FBXL7: variants seen among roughly 807,000 people sequenced by gnomAD.
FBXL7 encodes F-box and leucine rich repeat protein 7.
A neutral mutation model predicts 38.3 loss-of-function variants in FBXL7; 12 were observed. That is an observed-to-expected ratio of 0.31 (90% CI 0.20 to 0.51). FBXL7 has a LOEUF of 0.51. Ranked by LOEUF, FBXL7 falls within the 20% of genes least tolerant of loss-of-function variation. The probability of loss-of-function intolerance (pLI) is 0.98; values close to 1 mark genes in which losing one functional copy is unlikely to be tolerated. For synonymous variants in FBXL7, 297 were observed against 300.9 expected (o/e 0.99, Z 0.13); for missense variants, 567 against 676.4 (o/e 0.84, Z 1.79).
rs146294654 is a variant in FBXL7, at chr5:15,642,816, T to G, written c.127+26744T>G. Among the ~76,000 whole-genome samples the G allele has an allele frequency of 2.9e-3, 444 of 152,266 alleles. 1 individual carries two copies. Among genetic ancestry groups the G allele is most frequent in the Non-Finnish European group, 4.0e-3 (274 of 68,018 alleles). On this transcript the variant is annotated intron_variant, in intron 2 of 3. Coordinates refer to ENST00000504595, the MANE Select transcript of FBXL7 (RefSeq NM_012304.5). ...TCTCACATTCCTAGTCTCCTAAAAT[T>G]CTTACATCCCACAACAACAATTTGC... is the stretch of plus-strand genomic sequence containing the variant.
chr5:15,735,214 T>C (rs1228029901), intron 2 of FBXL7, among the ~76,000 whole-genome samples: 1 of 152,250 alleles, frequency 6.6e-6, no homozygotes, highest in African/African-American at 2.4e-5. Flanking sequence ...AGTATAGGCA[T>C]GAGCCGCTGT....
At chr5:15,807,126 A>G (rs1737735738) in intron 2 of FBXL7, among the ~76,000 whole-genome samples, 9 of 151,690 alleles carry the variant, frequency 5.9e-5, no homozygotes, top group Admixed American at 5.9e-4. Context: ...TAATATCTGT[A>G]TTTTCATATT....
chr5:15,768,396 T>C (rs1382233304), intron 2 of FBXL7, among the ~76,000 whole-genome samples: 3 of 151,854 alleles, frequency 2.0e-5, no homozygotes, highest in Admixed American at 6.6e-5. Flanking sequence ...CCTGGCGTGG[T>C]GGCAGGCACT....
At chr5:15,845,950 C>G (rs1738889106) in intron 2 of FBXL7, among the ~76,000 whole-genome samples, 1 of 152,276 alleles carries the variant, frequency 6.6e-6, no homozygotes, top group South Asian at 2.1e-4. Context: ...CCAGCCTGGG[C>G]AACAGAGCGA....
chr5:15,719,477 C>G (rs1744136117), intron 2 of FBXL7, among the ~76,000 whole-genome samples: 1 of 147,644 alleles, frequency 6.8e-6, no homozygotes, highest in Non-Finnish European at 1.5e-5. Context: ...AATTTTACAG[C>G]TAAATTAGCA....
chr5:15,778,933 T>C (rs1279022492), intron 2 of FBXL7, among the ~76,000 whole-genome samples: 2 of 152,174 alleles, frequency 1.3e-5, no homozygotes, highest in Admixed American at 6.6e-5. Flanking sequence ...ACGTGGTTTC[T>C]TACTACATTT....
intron 1 of FBXL7, among the ~76,000 whole-genome samples, chr5:15,609,807 A>G (rs1260076911): frequency 6.6e-6 from 1 of 152,210 alleles, no homozygotes; most frequent in African/African-American, 2.4e-5. Context: ...GGCAGGTGCT[A>G]TGCAGCATCC....
chr5:15,646,633 A>C lies in FBXL7; in HGVS notation c.127+30561A>C, dbSNP rs138325113. Among the ~76,000 whole-genome samples, 43 of 152,322 alleles carry C rather than the reference A, an allele frequency of 2.8e-4. 1 individual carries two copies. The Middle Eastern group carries it at 0.01, about 36-fold the overall frequency. Reference sequence around the variant, plus strand: ...GCTTTGGAATTGCTGGAAATGTTTAAACACTACACTGTTGATTTAGCTTAT... The same window carrying C: ...GCTTTGGAATTGCTGGAAATGTTTACACACTACACTGTTGATTTAGCTTAT... On this transcript the variant is annotated intron_variant, in intron 2 of 3. Coordinates refer to ENST00000504595, the MANE Select transcript of FBXL7 (RefSeq NM_012304.5).
chr5:15,671,093 G>A (rs543015585), intron 2 of FBXL7, among the ~76,000 whole-genome samples: 34 of 152,272 alleles, frequency 2.2e-4, no homozygotes, highest in African/African-American at 6.3e-4. Context: ...TGCATGCTGC[G>A]TTCCACTTGA....
chr5:15,559,829 T>C (rs991692350), intron 1 of FBXL7, among the ~76,000 whole-genome samples: 5 of 152,234 alleles, frequency 3.3e-5, no homozygotes, highest in African/African-American at 9.6e-5. Context: ...TACTGAATAG[T>C]GTAATGCAAG....
At chr5:15,868,729 A>T (rs1739823834) in intron 2 of FBXL7, among the ~76,000 whole-genome samples, 1 of 152,074 alleles carries the variant, frequency 6.6e-6, no homozygotes, top group South Asian at 2.1e-4. Flanking sequence ...TACATGACAC[A>T]ATCTCACCTC....
chr5:15,797,931 G>A (rs919967314), intron 2 of FBXL7, among the ~76,000 whole-genome samples: 1 of 152,138 alleles, frequency 6.6e-6, no homozygotes, highest in Non-Finnish European at 1.5e-5. Context: ...AGACCTTTCA[G>A]GGGAAAGTAA....
At chr5:15,566,969 T>C (rs1360316391) in intron 1 of FBXL7, among the ~76,000 whole-genome samples, 1 of 152,128 alleles carries the variant, frequency 6.6e-6, no homozygotes, top group Non-Finnish European at 1.5e-5. Context: ...ATTCTTTCAA[T>C]GGGGGATCTG....
intron 1 of FBXL7, among the ~76,000 whole-genome samples, chr5:15,562,449 C>G (rs1738439110): frequency 6.6e-6 from 1 of 152,044 alleles, no homozygotes; most frequent in South Asian, 2.1e-4. Flanking sequence ...CAGCAAGTGA[C>G]CTAAACAAAC....
At chr5:15,567,753 C>T (rs1297974415) in intron 1 of FBXL7, among the ~76,000 whole-genome samples, 1 of 151,852 alleles carries the variant, frequency 6.6e-6, no homozygotes, top group Non-Finnish European at 1.5e-5. Flanking sequence ...CCCCTCACCC[C>T]ACCCCACAAC....
chr5:15,603,179 T>C (rs1484139706), intron 1 of FBXL7, among the ~76,000 whole-genome samples: 1 of 152,194 alleles, frequency 6.6e-6, no homozygotes. Flanking sequence ...TTGTCTGTGC[T>C]TTATCTCCCT....
chr5:15,592,805 G>T (rs1049856250), intron 1 of FBXL7, among the ~76,000 whole-genome samples: 1 of 152,168 alleles, frequency 6.6e-6, no homozygotes, highest in Admixed American at 6.5e-5. Context: ...ATTAGTGAGA[G>T]GTCATTATTT....
chr5:15,921,482 C>T (rs956196401), intron 2 of FBXL7, among the ~76,000 whole-genome samples: 1 of 152,096 alleles, frequency 6.6e-6, no homozygotes, highest in Non-Finnish European at 1.5e-5. Flanking sequence ...CATCCATCCA[C>T]CCATCCACGC....
intron 2 of FBXL7, among the ~76,000 whole-genome samples, chr5:15,839,663 A>AAATAGT (rs1470822522): frequency 6.6e-6 from 1 of 152,200 alleles, no homozygotes; most frequent in African/African-American, 2.4e-5. Context: ...TTTACTAACA[A>AAATAGT]AATAGTAATA....
Sources: gnomAD v4.1 joint callset for allele counts (sites outside exome capture counted in the v4.1 genomes callset) on GRCh38, gnomAD v4.1.1 for gene constraint, MANE v1.5 for transcripts, NCBI Gene and HGNC (gene_info 2026-07-23, HGNC 2026-07-21) for gene names.